The following SLC44A5 variants were observed in gnomAD, a reference collection of about 807,000 sequenced individuals.
SLC44A5 encodes the protein solute carrier family 44 member 5, also known as choline transporter-like protein 5.
A neutral mutation model predicts 101.8 loss-of-function variants in SLC44A5; 57 were observed. The ratio of observed to expected loss-of-function variants is 0.56; its 90% CI spans 0.45 to 0.70. The LOEUF is 0.70. Ranked by LOEUF, SLC44A5 falls within the 30% of genes least tolerant of loss-of-function variation. SLC44A5 has a pLI of 0.00. For missense variants in SLC44A5, 737 were observed against 853.1 expected, an observed-to-expected ratio of 0.86 and a Z score of 1.70; for synonymous variants, 281 against 290.9, an observed-to-expected ratio of 0.97 and a Z score of 0.35.
At chr1:75,723,313 C>T in the SLC44A5 span, among the ~76,000 whole-genome samples, 5 of 152,140 alleles carry the variant, frequency 3.3e-5, no homozygotes, top group South Asian at 4.2e-4. Flanking sequence ...CAACACTGAG[C>T]GCCCGTTCCC....
chr1:75,645,330 A>G, the SLC44A5 span, among the ~76,000 whole-genome samples: 4 of 152,202 alleles, frequency 2.6e-5, no homozygotes, highest in South Asian at 2.1e-4. Context: ...TAACTGGTGT[A>G]AGGTGGTATC....
At chr1:75,362,542 A>G (rs1659565599) in intron 3 of SLC44A5, among the ~76,000 whole-genome samples, 1 of 151,948 alleles carries the variant, frequency 6.6e-6, no homozygotes, top group Non-Finnish European at 1.5e-5. Flanking sequence ...CTTCTTGACT[A>G]TTGATAATCA....
At chr1:75,463,238 G>A (rs1386124086) in intron 2 of SLC44A5, among the ~76,000 whole-genome samples, 5 of 152,042 alleles carry the variant, frequency 3.3e-5, no homozygotes, top group African/African-American at 7.2e-5. Context: ...TGGCTAACAC[G>A]GTGAAACCCC....
intron 4 of SLC44A5, among the ~76,000 whole-genome samples, chr1:75,322,538 G>T (rs1054244452): frequency 6.6e-6 from 1 of 152,016 alleles, no homozygotes; most frequent in African/African-American, 2.4e-5. Context: ...CAGTAATTTA[G>T]GAGACATTCT....
At chr1:75,679,602 C>G in the SLC44A5 span, among the ~76,000 whole-genome samples, 1 of 151,598 alleles carries the variant, frequency 6.6e-6, no homozygotes, top group Admixed American at 6.6e-5. Flanking sequence ...TAAAAGAGCT[C>G]CTGAAGGAAG....
At chr1:75,533,119 G>A (rs1670812480) in intron 2 of SLC44A5, among the ~76,000 whole-genome samples, 1 of 152,072 alleles carries the variant, frequency 6.6e-6, no homozygotes, top group South Asian at 2.1e-4. Context: ...CTCAAGTTCT[G>A]CCTTTTCCTT....
intron 2 of SLC44A5, among the ~76,000 whole-genome samples, chr1:75,429,358 GAA>G (rs1250042081): frequency 2.0e-5 from 3 of 152,166 alleles, no homozygotes; most frequent in African/African-American, 7.2e-5. Flanking sequence ...AACAAACCAA[GAA>G]ACAGGCTCCA....
At chr1:75,309,385 C>A (rs1655134466) in intron 4 of SLC44A5, among the ~76,000 whole-genome samples, 1 of 152,098 alleles carries the variant, frequency 6.6e-6, no homozygotes, top group Admixed American at 6.6e-5. Context: ...TATGAATGTG[C>A]CACTGCACTC....
chr1:75,354,142 T>C (rs1348125307), intron 3 of SLC44A5: 1 of 186,760 alleles, frequency 5.4e-6, no homozygotes, highest in African/African-American at 2.4e-5. Context: ...GTGGAATCAC[T>C]ATAGATGTCT....
chr1:75,214,721 T>A (rs750891266), intron 19 of SLC44A5, 43 bp from the exon 20 acceptor site: 2 of 1,489,212 alleles, frequency 1.3e-6, no homozygotes, highest in Non-Finnish European at 1.9e-6. Context: ...AGTAACATAC[T>A]CTAACAAGAT....
chr1:75,375,993 G>A (rs1225657736), intron 3 of SLC44A5, among the ~76,000 whole-genome samples: 3 of 152,212 alleles, frequency 2.0e-5, no homozygotes, highest in Non-Finnish European at 4.4e-5. Context: ...CCGTGTGCGA[G>A]CCGAAGCAGG....
chr1:75,425,884 T>C (rs1664280207), intron 2 of SLC44A5, among the ~76,000 whole-genome samples: 1 of 152,156 alleles, frequency 6.6e-6, no homozygotes, highest in African/African-American at 2.4e-5. Context: ...AATCCAGCCC[T>C]CCCTTCCTCC....
chr1:75,259,650 C>A lies in SLC44A5; in HGVS notation c.261-8356G>T, dbSNP rs573388409. Among the ~76,000 whole-genome samples, 564 of 152,148 alleles carry A rather than the reference C, an allele frequency of 3.7e-3. 9 individuals are homozygous for A. The highest frequency in any genetic ancestry group is 0.012 in the African/African-American group (518 of 41,468). ...AACTTCCCCAGTCTAGCAAGGCAGG[C>A]CAATATTCAAATTCAGGAAATACAG... On this transcript the variant is annotated intron_variant, in intron 6 of 23. Coordinates refer to ENST00000370859, the MANE Select transcript of SLC44A5 (RefSeq NM_001130058.2).
chr1:75,533,295 T>C (rs1670822143), intron 2 of SLC44A5, among the ~76,000 whole-genome samples: 1 of 152,212 alleles, frequency 6.6e-6, no homozygotes, highest in Non-Finnish European at 1.5e-5. Flanking sequence ...GTCTGTGTCA[T>C]TCATGCAATA....
intron 4 of SLC44A5, among the ~76,000 whole-genome samples, chr1:75,327,479 C>T (rs1383428656): frequency 6.6e-6 from 1 of 152,120 alleles, no homozygotes; most frequent in Non-Finnish European, 1.5e-5. Context: ...GTTTATAAGG[C>T]TAGCAGTGAA....
chr1:75,216,973 T>G (rs1195050726), intron 18 of SLC44A5, among the ~76,000 whole-genome samples: 7 of 152,084 alleles, frequency 4.6e-5, no homozygotes, highest in African/African-American at 1.7e-4. Flanking sequence ...GTTCAATTTA[T>G]TTTTCTTTTG....
intron 7 of SLC44A5, among the ~76,000 whole-genome samples, chr1:75,245,423 G>A (rs1014508259): frequency 6.6e-6 from 1 of 152,058 alleles, no homozygotes; most frequent in African/African-American, 2.4e-5. Flanking sequence ...ATTCTGATTG[G>A]AGCCAAGCTG....
chr1:75,650,001 G>A, the SLC44A5 span, among the ~76,000 whole-genome samples: 1 of 152,170 alleles, frequency 6.6e-6, no homozygotes, highest in Non-Finnish European at 1.5e-5. Context: ...CCACTCTTGT[G>A]TGTTAGCTCA....
At chr1:75,377,130 A>G (rs1022003142) in intron 3 of SLC44A5, among the ~76,000 whole-genome samples, 11 of 151,690 alleles carry the variant, frequency 7.3e-5, no homozygotes, top group Non-Finnish European at 1.5e-4. Flanking sequence ...GTGTCTGTGT[A>G]GAAAGAAGTA....
Sources: allele counts gnomAD v4.1 joint callset (sites outside exome capture counted in the v4.1 genomes callset), GRCh38; gene constraint gnomAD v4.1.1; transcripts MANE v1.5; gene names NCBI Gene and HGNC (gene_info 2026-07-23, HGNC 2026-07-21).